The following PRRT4 variants were observed in gnomAD, a reference collection of about 807,000 sequenced individuals.
The protein encoded by PRRT4 is proline rich transmembrane protein 4.
In PRRT4, 59 loss-of-function variants were observed where a neutral mutation model predicts 55.6. That is an observed-to-expected ratio of 1.06 (90% confidence interval 0.86 to 1.32). The LOEUF is 1.32. PRRT4 is among the 40% of genes most tolerant of loss of function. The pLI, the probability that PRRT4 is intolerant of heterozygous loss-of-function variation, is 0.00. For synonymous variants in PRRT4, 606 were observed against 601.8 expected, an observed-to-expected ratio of 1.01 and a Z score of -0.10; for missense variants, 1,217 against 1,222.0, an observed-to-expected ratio of 1.00 and a Z score of 0.06.
intron 4 of PRRT4, among the ~76,000 whole-genome samples, chr7:128,354,893 GACA>G (rs1797081788): frequency 1.3e-5 from 2 of 152,174 alleles, no homozygotes; most frequent in African/African-American, 4.8e-5. Flanking sequence ...AGAAAAATGA[GACA>G]ACGTGTGTAA....
intron 4 of PRRT4, among the ~76,000 whole-genome samples, chr7:128,356,136 G>C (rs1198707233): frequency 1.3e-5 from 2 of 152,114 alleles, no homozygotes; most frequent in Non-Finnish European, 2.9e-5. Flanking sequence ...GCAGACACCT[G>C]TAGTCCCAGA....
chr7:128,360,672 C>T (rs1351919228), intron 1 of PRRT4, among the ~76,000 whole-genome samples: 1 of 152,154 alleles, frequency 6.6e-6, no homozygotes, highest in African/African-American at 2.4e-5. Flanking sequence ...CCCTCCCGCC[C>T]CTCCCGTTTC....
chr7:128,351,368 G>C, exon 5 of PRRT4: 3 of 1,545,996 alleles, frequency 1.9e-6, no homozygotes, highest in East Asian at 2.4e-5. Flanking sequence ...TCGATGCTGC[G>C]TCGCAGGTTG....
intron 1 of PRRT4, among the ~76,000 whole-genome samples, chr7:128,361,076 G>GTC (rs71160633): frequency 0.011 from 1,114 of 100,444 alleles, 20 homozygotes; most frequent in East Asian, 0.054. Context: ...GGCCTCCCCT[G>GTC]TCTCTCTCTC....
exon 5 of PRRT4, chr7:128,351,862 C>T: frequency 7.5e-7 from 1 of 1,340,830 alleles, no homozygotes; most frequent in Non-Finnish European, 9.5e-7. Context: ...CCCGAAGGTG[C>T]CCGCCACCGG....
intron 4 of PRRT4, among the ~76,000 whole-genome samples, chr7:128,354,626 G>A (rs1797075559): frequency 6.6e-6 from 1 of 151,480 alleles, no homozygotes; most frequent in Admixed American, 6.6e-5. Flanking sequence ...AATAATAAAT[G>A]CGTAAAAGAT....
chr7:128,361,105 A>T lies in PRRT4; in HGVS notation c.-73+456T>A, dbSNP rs359646. Among the ~76,000 whole-genome samples the T allele has an allele frequency of 0.035, 3,732 of 105,266 alleles. 54 individuals are homozygous for T. Among genetic ancestry groups the T allele is most frequent in the Middle Eastern group, 0.052 (11 of 210 alleles). 69.1% of individuals were successfully genotyped at this position (105,266 alleles called of 152,430 possible). A position where few individuals can be genotyped will look rare whatever the true frequency, so the allele number is the denominator to read the frequency against. ...CTCTCTCTCTCTCTCTCTCTCTCTCACACACACACACACACACACACACAC... is the reference window on the plus strand; with the variant it reads ...CTCTCTCTCTCTCTCTCTCTCTCTCTCACACACACACACACACACACACAC... On this transcript the variant is annotated intron_variant, in intron 1 of 4. Transcript: ENST00000535159.
chr7:128,353,051 G>A (rs985516116), intron 4 of PRRT4, among the ~76,000 whole-genome samples: 2 of 152,138 alleles, frequency 1.3e-5, no homozygotes, highest in African/African-American at 2.4e-5. Flanking sequence ...CACCAGAAAG[G>A]AAGCTTTATG....
downstream of PRRT4, chr7:128,350,555 G>T: frequency 2.4e-6 from 1 of 411,976 alleles, no homozygotes; most frequent in Non-Finnish European, 4.5e-6. Flanking sequence ...GTGGGGAGTG[G>T]TGGTCAGGAG....
chr7:128,352,173 C>A (rs1488872238), exon 5 of PRRT4: 6 of 1,402,174 alleles, frequency 4.3e-6, no homozygotes, highest in Non-Finnish European at 4.6e-6. Context: ...TGGGGCACCG[C>A]GGCGGGCGCG....
At chr7:128,352,058 C>A (rs2116445018) in exon 5 of PRRT4, 6 of 1,220,092 alleles carry the variant, frequency 4.9e-6, no homozygotes, top group East Asian at 3.6e-5. Flanking sequence ...GCGTGCAGCC[C>A]GCGCGAGGCG....
rs1331363301 is a variant in PRRT4 at position 128,358,762 on chromosome 7, G to A, written c.796C>T (p.Leu266=). 4.5e-6 allele frequency: 7 copies of A among 1,551,292 alleles called. No homozygotes were observed. The highest frequency in any genetic ancestry group is 2.4e-5 in the East Asian group (1 of 40,934). Residue 266 remains leucine, a synonymous_variant, in exon 4 of 5, where the codon CTG becomes TTG. Transcript: ENST00000535159. This position sits in a 1 kb window ranked among gnomAD's most constrained non-coding sequence, Gnocchi z 4.4. ...CTTGGGCTGGAGAGCTTCCTCTCCA[G>A]GGAGTATGGGGGCAGGGACAGAGTG...
At chr7:128,352,602 C>A (rs1011861461) in exon 5 of PRRT4, 2 of 1,543,354 alleles carry the variant, frequency 1.3e-6, no homozygotes, top group Non-Finnish European at 1.7e-6. Context: ...CTGGCCCACA[C>A]TCTGGCTGCC....
At chr7:128,354,511 C>T (rs1350392820) in intron 4 of PRRT4, among the ~76,000 whole-genome samples, 1 of 151,880 alleles carries the variant, frequency 6.6e-6, no homozygotes, top group Non-Finnish European at 1.5e-5. Flanking sequence ...TTGCAGTAAG[C>T]AGAGATCGCG....
intron 4 of PRRT4, among the ~76,000 whole-genome samples, chr7:128,353,670 TGTACGGAAG>T (rs1797049644): frequency 6.6e-6 from 1 of 152,182 alleles, no homozygotes; most frequent in Non-Finnish European, 1.5e-5. Context: ...CTCCCCACAC[TGTACGGAAG>T]GTGACATTGA....
At chr7:128,361,101 TCTCA>T (rs1461113417) in intron 1 of PRRT4, among the ~76,000 whole-genome samples, 2,929 of 117,970 alleles carry the variant, frequency 0.025, 21 homozygotes, top group South Asian at 0.034. Flanking sequence ...TCTCTCTCTC[TCTCA>T]CACACACACA....
At chr7:128,351,249 G>A (rs1796956572) in exon 5 of PRRT4, 1 of 1,539,544 alleles carries the variant, frequency 6.5e-7, no homozygotes, top group Non-Finnish European at 8.7e-7. Flanking sequence ...CCCTGCCCCC[G>A]GTCCCCAGCG....
chr7:128,357,915 G>A (rs1161856674), intron 4 of PRRT4, among the ~76,000 whole-genome samples: 1 of 152,174 alleles, frequency 6.6e-6, no homozygotes, highest in Non-Finnish European at 1.5e-5. Flanking sequence ...GTCTGGAAGT[G>A]GATTTGGGAT....
At chr7:128,355,525 C>T (rs1287827316) in intron 4 of PRRT4, among the ~76,000 whole-genome samples, 1 of 152,158 alleles carries the variant, frequency 6.6e-6, no homozygotes, top group African/African-American at 2.4e-5. Context: ...GCCTACCCAC[C>T]CCTTAACACT....
Sources: allele counts gnomAD v4.1 joint callset (sites outside exome capture counted in the v4.1 genomes callset), GRCh38; gene constraint gnomAD v4.1.1; non-coding constraint Gnocchi (gnomAD v3.1); transcripts MANE v1.5; gene names NCBI Gene and HGNC (gene_info 2026-07-23, HGNC 2026-07-21).